Variants in SIPA1L2 observed in about 807,000 individuals in gnomAD.
The protein encoded by SIPA1L2 is signal-induced proliferation-associated 1-like protein 2.
Under a neutral mutation model 163.9 loss-of-function variants are expected in SIPA1L2, and 56 were observed. The ratio of observed to expected loss-of-function variants is 0.34; its 90% confidence interval spans 0.28 to 0.43. SIPA1L2 has a LOEUF of 0.43. Among genes scored for constraint, SIPA1L2 ranks in the 20% least tolerant of loss-of-function variants. SIPA1L2 has a pLI of 1.00. For synonymous variants in SIPA1L2, 877 were observed against 865.7 expected (o/e 1.01, Z -0.23); for missense variants, 1,974 against 2,193.5 (o/e 0.90, Z 2.00).
intron 1 of SIPA1L2, among the ~76,000 whole-genome samples, chr1:232,574,650 T>C (rs931233493): frequency 2.6e-5 from 4 of 152,254 alleles, no homozygotes; most frequent in African/African-American, 9.6e-5. Flanking sequence ...GTTTTAATTC[T>C]AGTATAGTAA....
chr1:232,622,971 C>T (rs1662893510), intron 1 of SIPA1L2, among the ~76,000 whole-genome samples: 1 of 152,208 alleles, frequency 6.6e-6, no homozygotes, highest in African/African-American at 2.4e-5. Context: ...GCAAAAACCA[C>T]CTAAGTGCAG....
At chr1:232,574,543 T>C (rs1457467309) in intron 1 of SIPA1L2, among the ~76,000 whole-genome samples, 2 of 152,206 alleles carry the variant, frequency 1.3e-5, no homozygotes, top group Non-Finnish European at 2.9e-5. Flanking sequence ...TTTTTCTGTT[T>C]TGAAAAATAA....
intron 1 of SIPA1L2, among the ~76,000 whole-genome samples, chr1:232,629,609 G>C (rs980167029): frequency 6.6e-6 from 1 of 152,190 alleles, no homozygotes; most frequent in Admixed American, 6.5e-5. Context: ...TAACCTTTCA[G>C]CCGATCGATA....
chr1:232,447,339 G>C (rs1663276814), intron 10 of SIPA1L2, among the ~76,000 whole-genome samples: 2 of 152,208 alleles, frequency 1.3e-5, no homozygotes, highest in African/African-American at 4.8e-5. Context: ...TCTGCATGTT[G>C]TCTATCTACC....
At chr1:232,612,198 A>C (rs1662275027) in intron 1 of SIPA1L2, among the ~76,000 whole-genome samples, 1 of 152,240 alleles carries the variant, frequency 6.6e-6, no homozygotes, top group South Asian at 2.1e-4. Context: ...CTGGATAACC[A>C]GGCAGAAGTT....
At chr1:232,551,831 A>AT (rs1355722458) in intron 2 of SIPA1L2, among the ~76,000 whole-genome samples, 1 of 152,170 alleles carries the variant, frequency 6.6e-6, no homozygotes, top group Admixed American at 6.5e-5. Flanking sequence ...CAATAAGGTT[A>AT]TTTTTTATTT....
intron 3 of SIPA1L2, among the ~76,000 whole-genome samples, chr1:232,506,444 G>C (rs1003963794): frequency 6.6e-6 from 1 of 152,054 alleles, no homozygotes; most frequent in Non-Finnish European, 1.5e-5. Flanking sequence ...GATGTCATTT[G>C]CCCGCCATTC....
intron 5 of SIPA1L2, 78 bp downstream of exon 5, chr1:232,490,796 G>A (rs2102993894): frequency 7.2e-7 from 1 of 1,396,620 alleles, no homozygotes; most frequent in East Asian, 2.3e-5. Flanking sequence ...TTACAAGAAA[G>A]ATGGATGGGA....
rs1474961559 is a variant in SIPA1L2, at chr1:232,477,275, C to T, written c.2085+2352G>A. On this transcript the variant is annotated intron_variant, in intron 7 of 22. Transcript: ENST00000674635. ...GGACTGGAGACAGGAAAATAAAATG[C>T]AAATTAGGTCATCCAAAATATGACT... 3.9e-5 allele frequency among the ~76,000 whole-genome samples: 6 copies of T among 152,118 alleles called. No homozygotes were observed. In the South Asian group the frequency reaches 1.0e-3, roughly 26 times the overall value.
chr1:232,486,756 A>G (rs918791463), intron 5 of SIPA1L2, among the ~76,000 whole-genome samples: 2 of 152,234 alleles, frequency 1.3e-5, no homozygotes, highest in Admixed American at 1.3e-4. Flanking sequence ...TTCAGTAAAG[A>G]TATCTCTCTC....
chr1:232,486,718 G>T (rs1665664252), intron 5 of SIPA1L2, among the ~76,000 whole-genome samples: 1 of 152,170 alleles, frequency 6.6e-6, no homozygotes, highest in African/African-American at 2.4e-5. Context: ...AAACAAGAAT[G>T]AAATGAATAA....
intron 1 of SIPA1L2, among the ~76,000 whole-genome samples, chr1:232,595,240 AAAG>A (rs1184776455): frequency 2.0e-5 from 3 of 152,194 alleles, no homozygotes; most frequent in Admixed American, 6.5e-5. Context: ...TCATGCATAC[AAAG>A]AATACTTACC....
intron 1 of SIPA1L2, among the ~76,000 whole-genome samples, chr1:232,598,334 G>A (rs1261596514): frequency 6.6e-6 from 1 of 152,146 alleles, no homozygotes; most frequent in African/African-American, 2.4e-5. Context: ...ATTAAGCTGA[G>A]GAGTTTGAGA....
At chr1:232,408,011 AC>A in intron 19 of SIPA1L2, among the ~76,000 whole-genome samples, 1 of 152,198 alleles carries the variant, frequency 6.6e-6, no homozygotes. Context: ...ATTATCAGGT[AC>A]CCCCAAACTT....
At position 232,514,124 on chromosome 1, in the gene SIPA1L2, C is replaced by T. The variant is rs760944168; in HGVS notation, c.1216G>A (p.Val406Ile). The change falls in exon 3 of 23, where the codon GTC (valine) becomes ATC (isoleucine). Residue 406 changes from valine to isoleucine, a missense_variant. By Grantham distance (29) the Val-to-Ile change is conservative. Coordinates refer to ENST00000674635, the MANE Select transcript of SIPA1L2 (RefSeq NM_020808.5). Reference sequence around the variant, plus strand: ...TTTCTAAAGTAAGGACAACTAAGGACGAGGTCGTTACTTTTCCCATCACCC... The same window carrying T: ...TTTCTAAAGTAAGGACAACTAAGGATGAGGTCGTTACTTTTCCCATCACCC... ...DEGDGKSNDL[V>I]LSCPYFRNET... is the part of the protein sequence containing the mutation. 1.7e-5 allele frequency: 27 copies of T among 1,614,078 alleles called. No individual in the cohort carries two copies. The highest frequency in any genetic ancestry group is 5.5e-5 in the South Asian group (5 of 91,092).
intron 21 of SIPA1L2, 101 bp downstream of exon 21, chr1:232,403,347 C>T (rs929086393): frequency 1.0e-5 from 15 of 1,443,082 alleles, no homozygotes; most frequent in Non-Finnish European, 1.4e-5. Flanking sequence ...GGGCATGGTG[C>T]AATATGGTCG....
chr1:232,463,047 C>T (rs1401269718), intron 9 of SIPA1L2, among the ~76,000 whole-genome samples: 3 of 151,956 alleles, frequency 2.0e-5, no homozygotes, highest in African/African-American at 7.3e-5. Context: ...TGTGGGGCCA[C>T]AAGAAAAATC....
At chr1:232,623,467 G>A (rs1014432343) in intron 1 of SIPA1L2, among the ~76,000 whole-genome samples, 1 of 152,144 alleles carries the variant, frequency 6.6e-6, no homozygotes, top group Non-Finnish European at 1.5e-5. Flanking sequence ...AATTAGCTAG[G>A]CATGGTGGCA....
At chr1:232,455,166 G>A (rs963378223) in intron 10 of SIPA1L2, among the ~76,000 whole-genome samples, 1 of 152,106 alleles carries the variant, frequency 6.6e-6, no homozygotes, top group African/African-American at 2.4e-5. Context: ...TGTACTTTAG[G>A]TTACCTTTGT....
Sources: gnomAD v4.1 joint callset for allele counts (sites outside exome capture counted in the v4.1 genomes callset) on GRCh38, gnomAD v4.1.1 for gene constraint, MANE v1.5 for transcripts, NCBI Gene and HGNC (gene_info 2026-07-23, HGNC 2026-07-21) for gene names.